KRT86: variants seen among roughly 807,000 people sequenced by gnomAD.
KRT86 encodes the protein keratin, type II cuticular Hb6.
KRT86 carries 30 observed loss-of-function variants against 41.2 expected under a neutral mutation model. That is an observed-to-expected ratio of 0.73 (90% confidence interval 0.54 to 0.99). KRT86 has a LOEUF of 0.99. Ranked by LOEUF, KRT86 falls within the 50% of genes least tolerant of loss-of-function variation. The pLI is 0.00. For missense variants in KRT86, 561 were observed against 571.4 expected, an observed-to-expected ratio of 0.98 and a Z score of 0.19; for synonymous variants, 238 against 238.1, an observed-to-expected ratio of 1.00 and a Z score of 0.00.
Position 52,298,406 on chromosome 12 carries a change from A to C in KRT86, c.-4-3507A>C, listed in dbSNP as rs567792279. 1.1e-4 allele frequency among the ~76,000 whole-genome samples: 16 copies of C among 152,348 alleles called. No homozygotes were observed. In the South Asian group the frequency reaches 3.1e-3, roughly 30 times the overall value. On this transcript the variant is annotated intron_variant, in intron 2 of 10. Coordinates refer to ENST00000423955, the MANE Select transcript of KRT86 (RefSeq NM_001320198.2). ...CATTATTTCATTTAATCCTTCTACAAGTTCTTTAAGATAAGGCGGTTAATG... is the reference window on the plus strand; with the variant it reads ...CATTATTTCATTTAATCCTTCTACACGTTCTTTAAGATAAGGCGGTTAATG...
intron 2 of KRT86, chr12:52,286,620 G>A: frequency 8.4e-7 from 1 of 1,197,236 alleles, no homozygotes; most frequent in Non-Finnish European, 1.2e-6. Flanking sequence ...ACAATTCTAG[G>A]TCCATCTAGT....
Position 52,305,376 on chromosome 12 carries a change from C to T in KRT86, c.872C>T (p.Ala291Val), listed in dbSNP as rs766441670. ...QYDDIVTRSR[A>V]EAESWYRSKC... ...GATGACATTGTCACCCGTAGCCGGG[C>T]TGAGGCCGAGTCCTGGTACCGCAGC... is the stretch of plus-strand genomic sequence containing the variant. Residue 291 changes from alanine to valine, a missense_variant, in exon 7 of 11, where the codon GCT becomes GTT. By Grantham distance (64) the Ala-to-Val change is moderately conservative (BLOSUM62 0). Coordinates refer to ENST00000423955, the MANE Select transcript of KRT86 (RefSeq NM_001320198.2). 1 of 1,614,238 alleles carries T rather than the reference C, an allele frequency of 6.2e-7. No homozygotes were observed. The highest frequency in any genetic ancestry group is 1.1e-5 in the South Asian group (1 of 91,084).
rs372366536 is a variant in KRT86, at chr12:52,279,579, C to A, written c.-5+3633C>A. Among the ~76,000 whole-genome samples, 5 of 152,288 alleles carry A rather than the reference C, an allele frequency of 3.3e-5. No individual in the cohort carries two copies. In the East Asian group the frequency reaches 9.6e-4, roughly 29 times the overall value. On this transcript the variant is annotated intron_variant, in intron 2 of 10. Transcript: ENST00000423955. ...GAGTTTAAACCCGGATTCTCCAGGC[C>A]ATTCCCAGAGCACAGACAAACCTGG...
At chr12:52,305,138 G>A (rs1346089692) in intron 6 of KRT86, 102 bp from the exon 7 acceptor site, 1 of 1,607,326 alleles carries the variant, frequency 6.2e-7, no homozygotes. Flanking sequence ...GGCTGTGTGA[G>A]GGGGCAGGGT....
At chr12:52,305,494 A>G in intron 7 of KRT86, 90 bp downstream of exon 7, 3 of 1,604,688 alleles carry the variant, frequency 1.9e-6, no homozygotes, top group Admixed American at 3.4e-5. Context: ...CTGGGGATGC[A>G]CTAGGGATGA....
Position 52,287,676 on chromosome 12 carries a change from G to A in KRT86, c.-5+11730G>A, listed in dbSNP as rs4761786. On this transcript the variant is annotated intron_variant, in intron 2 of 10. Coordinates refer to ENST00000423955, the MANE Select transcript of KRT86 (RefSeq NM_001320198.2). ...TCATTGATCTCCTCCTTGGTGCGGC[G>A]CAGGGTCTCCCCGTGCCTGATCACC... 0.01 allele frequency: 16,854 copies of A among 1,613,834 alleles called. 190 individuals carry two copies. The highest frequency in any genetic ancestry group is 0.01 in the Non-Finnish European group (11,837 of 1,179,828).
At chr12:52,285,856 G>A in intron 2 of KRT86, 1 of 266,792 alleles carries the variant, frequency 3.7e-6, no homozygotes, top group Non-Finnish European at 7.3e-6. Flanking sequence ...TGACTTTGGG[G>A]ACCCTCCCTA....
Position 52,308,106 on chromosome 12 carries a change from G to A in KRT86, c.1248-127G>A, listed in dbSNP as rs574903869. The A allele has an allele frequency of 1.6e-5, 20 of 1,267,338 alleles. No individual in the cohort carries two copies. In the African/African-American group the frequency reaches 2.6e-4, roughly 17 times the overall value. The allele number at this position is 1,267,338 out of a possible 1,614,324, so 78.5% of individuals were successfully genotyped here. ...CGAGTCTACACTGGCTCCTGGCCGA[G>A]AGCATTTCTTGCCCCTTCCCTTGGG... On this transcript the variant is annotated intron_variant, in intron 9 of 10. Transcript: ENST00000423955.
chr12:52,301,725 G>A, intron 2 of KRT86, 188 bp from the exon 3 acceptor site: 14 of 1,058,390 alleles, frequency 1.3e-5, no homozygotes, highest in Non-Finnish European at 1.8e-5. Flanking sequence ...TACATTAAGT[G>A]GGGAGCGACA....
Position 52,308,386 on chromosome 12 carries a change from C to G in KRT86, c.1280-18C>G. The G allele has an allele frequency of 1.9e-6, 3 of 1,611,252 alleles. No individual in the cohort carries two copies. The highest frequency in any genetic ancestry group is 2.5e-6 in the Non-Finnish European group (3 of 1,179,304). On this transcript the variant is annotated intron_variant, in intron 10 of 10. Transcript: ENST00000423955. ...CGCGGCTGCGCCTGACGCGCGCCTC[C>G]GTCTCTTTCCCCTGCAGGCGTCAGC...
intron 2 of KRT86, among the ~76,000 whole-genome samples, chr12:52,294,905 C>T (rs1316394314): frequency 1.3e-5 from 2 of 152,216 alleles, no homozygotes; most frequent in African/African-American, 4.8e-5. Flanking sequence ...CCTTGTGCAT[C>T]TGGTTTCTTT....
At chr12:52,307,793 CA>C (rs1251199920) in intron 9 of KRT86, among the ~76,000 whole-genome samples, 4 of 152,216 alleles carry the variant, frequency 2.6e-5, no homozygotes, top group Non-Finnish European at 5.9e-5. Flanking sequence ...CTAATGACAC[CA>C]ATCAGACTGG....
intron 2 of KRT86, chr12:52,286,592 T>C (rs1937945515): frequency 1.5e-6 from 2 of 1,334,776 alleles, no homozygotes; most frequent in African/African-American, 1.5e-5. Flanking sequence ...GTATGAAAAG[T>C]CAGAAGCATC....
intron 2 of KRT86, among the ~76,000 whole-genome samples, chr12:52,283,401 A>AT (rs1937824724): frequency 1.4e-5 from 2 of 148,108 alleles, no homozygotes; most frequent in African/African-American, 5.0e-5. Context: ...ACAAAAAAAA[A>AT]AAAAAAAAAA....
chr12:52,286,333 C>T (rs1449356317), intron 2 of KRT86: 1 of 1,554,932 alleles, frequency 6.4e-7, no homozygotes. Context: ...CGCAGGAACC[C>T]CCTCCGCAGG....
At chr12:52,305,848 C>T in intron 8 of KRT86, 60 bp downstream of exon 8, 3 of 1,611,472 alleles carry the variant, frequency 1.9e-6, no homozygotes, top group Non-Finnish European at 2.5e-6. Context: ...GTCACACAGC[C>T]TATGTGTGCC....
Position 52,305,793 on chromosome 12 carries a change from G to A in KRT86, c.1026+5G>A. Reference sequence around the variant, plus strand: ...GTGGAGAATGCCAAGTGCCAGGTATGGGGCATCTGTGCCCAAGGTCAGAGA... The same window carrying A: ...GTGGAGAATGCCAAGTGCCAGGTATAGGGCATCTGTGCCCAAGGTCAGAGA... On this transcript the variant is annotated splice_donor_5th_base_variant and intron_variant, in intron 8 of 10. Coordinates refer to ENST00000423955, the MANE Select transcript of KRT86 (RefSeq NM_001320198.2). 1 of 1,613,950 alleles carries A rather than the reference G, an allele frequency of 6.2e-7. No homozygotes were observed. Among genetic ancestry groups the A allele is most frequent in the Non-Finnish European group, 8.5e-7 (1 of 1,179,846 alleles).
intron 2 of KRT86, chr12:52,285,962 G>GGAGA: frequency 2.1e-6 from 1 of 487,058 alleles, no homozygotes; most frequent in Non-Finnish European, 3.8e-6. Flanking sequence ...AGGAGGAAGG[G>GGAGA]GAGAGGCAGG....
intron 2 of KRT86, among the ~76,000 whole-genome samples, chr12:52,283,366 C>T (rs1482500127): frequency 1.5e-5 from 2 of 129,042 alleles, no homozygotes; most frequent in African/African-American, 6.4e-5. Context: ...GCACTCCAGC[C>T]TGGGCAACAG....
Sources: allele counts gnomAD v4.1 joint callset (sites outside exome capture counted in the v4.1 genomes callset), GRCh38; gene constraint gnomAD v4.1.1; transcripts MANE v1.5; gene names NCBI Gene and HGNC (gene_info 2026-07-23, HGNC 2026-07-21).